The following SNAP91 variants were observed in gnomAD, a reference collection of about 807,000 sequenced individuals.
The protein encoded by SNAP91 is synaptosome associated protein 91.
A neutral mutation model predicts 100.3 loss-of-function variants in SNAP91; 27 were observed. That is an observed-to-expected ratio of 0.27 (90% confidence interval 0.20 to 0.37). The LOEUF (loss-of-function observed/expected upper bound fraction) is 0.37. Among genes scored for constraint, SNAP91 ranks in the 10% least tolerant of loss-of-function variants. SNAP91 has a pLI of 1.00. For synonymous variants in SNAP91, 404 were observed against 398.6 expected (o/e 1.01, Z -0.16); for missense variants, 986 against 1,123.7 (o/e 0.88, Z 1.75).
At chr6:83,675,455 A>C (rs1336774034) in intron 2 of SNAP91, among the ~76,000 whole-genome samples, 1 of 152,202 alleles carries the variant, frequency 6.6e-6, no homozygotes, top group African/African-American at 2.4e-5. Flanking sequence ...TCTAGTTTCT[A>C]AACTATTTCA....
chr6:83,619,386 T>G (rs2096623899), intron 9 of SNAP91, among the ~76,000 whole-genome samples: 1 of 152,200 alleles, frequency 6.6e-6, no homozygotes, highest in Non-Finnish European at 1.5e-5. Context: ...AGTGAGGACA[T>G]CCGGGCATGC....
intron 15 of SNAP91, 34 bp downstream of exon 15, chr6:83,601,551 C>A (rs1407778824): frequency 1.9e-6 from 3 of 1,612,914 alleles, no homozygotes; most frequent in South Asian, 1.1e-5. Flanking sequence ...AGAAGTCTGT[C>A]AAAATGGAAG....
chr6:83,663,515 C>A (rs1483297245), intron 3 of SNAP91, among the ~76,000 whole-genome samples: 3 of 152,108 alleles, frequency 2.0e-5, no homozygotes, highest in Non-Finnish European at 4.4e-5. Context: ...AAAGATCAAA[C>A]CAGCTACAAC....
intron 3 of SNAP91, among the ~76,000 whole-genome samples, chr6:83,663,378 G>A (rs2098601789): frequency 6.6e-6 from 1 of 152,140 alleles, no homozygotes; most frequent in Non-Finnish European, 1.5e-5. Context: ...GTGCCAGTTA[G>A]CCAAGTTGTA....
intron 14 of SNAP91, among the ~76,000 whole-genome samples, chr6:83,601,839 T>G (rs1338293419): frequency 2.0e-5 from 3 of 152,248 alleles, no homozygotes; most frequent in African/African-American, 4.8e-5. Flanking sequence ...ACTTCAGATT[T>G]TATTAACAAG....
chr6:83,600,728 C>A (rs1259920288), intron 16 of SNAP91, among the ~76,000 whole-genome samples: 2 of 152,202 alleles, frequency 1.3e-5, no homozygotes, highest in Non-Finnish European at 2.9e-5. Context: ...CAAAGATGAT[C>A]CAAGTTTTTA....
At chr6:83,647,116 T>C (rs1585438228) in intron 7 of SNAP91, among the ~76,000 whole-genome samples, 1 of 150,146 alleles carries the variant, frequency 6.7e-6, no homozygotes, top group Non-Finnish European at 1.5e-5. Context: ...TTTTCTACAA[T>C]AGATGGTCAT....
At position 83,651,772 on chromosome 6, in the gene SNAP91, T is replaced by G. The variant is rs532365973; in HGVS notation, c.658+4982A>C. ...TGTCCATTATATCTAGTTGATGGTG[T>G]TGTTGAGTTCAACTTCATCTGTACT... On this transcript the variant is annotated intron_variant, in intron 7 of 29. Transcript: ENST00000369694. 5.3e-5 allele frequency among the ~76,000 whole-genome samples: 8 copies of G among 152,294 alleles called. No individual in the cohort carries two copies. The East Asian group carries it at 1.5e-3, about 29-fold the overall frequency.
In SNAP91 at chr6:83,598,111, T is replaced by C. The variant is rs76666382; in HGVS notation, c.1324+3160A>G. 8.1e-3 allele frequency among the ~76,000 whole-genome samples: 1,238 copies of C among 152,316 alleles called. 17 individuals are homozygous for C. The highest frequency in any genetic ancestry group is 0.028 in the African/African-American group (1,149 of 41,578). On this transcript the variant is annotated intron_variant, in intron 16 of 29. Coordinates refer to ENST00000369694, the MANE Select transcript of SNAP91 (RefSeq NM_001242792.2). ...AGCATTCTAGTATTTAGAAAAACCCTGTGTTGTTCAAATCAATGTGCTATT... is the reference window on the plus strand; with the variant it reads ...AGCATTCTAGTATTTAGAAAAACCCCGTGTTGTTCAAATCAATGTGCTATT...
At chr6:83,624,817 AAAT>A (rs1190524391) in intron 8 of SNAP91, among the ~76,000 whole-genome samples, 1 of 152,152 alleles carries the variant, frequency 6.6e-6, no homozygotes. Flanking sequence ...TCTCTGGATC[AAAT>A]AATGTTTGAA....
intron 17 of SNAP91, among the ~76,000 whole-genome samples, 176 bp from the exon 18 acceptor site, chr6:83,593,917 T>C (rs1582879237): frequency 6.6e-6 from 1 of 152,122 alleles, no homozygotes; most frequent in East Asian, 1.9e-4. Context: ...GATGTTTTTC[T>C]AAAGAAAAAG....
chr6:83,705,034 G>A (rs932912725), intron 2 of SNAP91, among the ~76,000 whole-genome samples: 1 of 152,148 alleles, frequency 6.6e-6, no homozygotes, highest in East Asian at 1.9e-4. Context: ...AAAGAATTCT[G>A]AGCAAAGATG....
intron 26 of SNAP91, among the ~76,000 whole-genome samples, chr6:83,572,133 C>G (rs1384417451): frequency 1.3e-5 from 2 of 152,224 alleles, no homozygotes; most frequent in African/African-American, 4.8e-5. Context: ...GAATAATACA[C>G]TGGGCAACCA....
At chr6:83,581,066 A>G (rs776400813) in intron 23 of SNAP91, among the ~76,000 whole-genome samples, 1 of 152,212 alleles carries the variant, frequency 6.6e-6, no homozygotes, top group Non-Finnish European at 1.5e-5. Flanking sequence ...CTTATTCAAG[A>G]AAATAGTGAA....
Position 83,580,614 on chromosome 6 carries a change from G to A in SNAP91, c.2150-15C>T. ...ACCATCAAACACTGGAAATCAAATA[G>A]ACTAGGTTCAGAATAATTGAAAACA... On this transcript the variant is annotated splice_polypyrimidine_tract_variant and intron_variant, in intron 23 of 29. Coordinates refer to ENST00000369694, the MANE Select transcript of SNAP91 (RefSeq NM_001242792.2). 1 of 1,592,622 alleles carries A rather than the reference G, an allele frequency of 6.3e-7. No homozygotes were observed. Among genetic ancestry groups the A allele is most frequent in the Non-Finnish European group, 8.5e-7 (1 of 1,171,588 alleles).
At chr6:83,607,325 T>TG (rs1390792704) in intron 13 of SNAP91, among the ~76,000 whole-genome samples, 5 of 103,268 alleles carry the variant, frequency 4.8e-5, no homozygotes, top group East Asian at 2.8e-4. Flanking sequence ...AATTCCAAGT[T>TG]GGGTTGTGTG....
At chr6:83,667,715 C>T (rs1299355191) in intron 2 of SNAP91, among the ~76,000 whole-genome samples, 2 of 151,978 alleles carry the variant, frequency 1.3e-5, no homozygotes, top group African/African-American at 2.4e-5. Flanking sequence ...TATATATGTG[C>T]CATGTTGGTG....
At chr6:83,660,531 G>A (rs958586428) in intron 5 of SNAP91, among the ~76,000 whole-genome samples, 6 of 152,106 alleles carry the variant, frequency 3.9e-5, no homozygotes, top group Non-Finnish European at 8.8e-5. Context: ...ATGCACAAAT[G>A]TGTGGCTGAA....
At chr6:83,642,979 A>G (rs2097771699) in intron 7 of SNAP91, among the ~76,000 whole-genome samples, 2 of 152,210 alleles carry the variant, frequency 1.3e-5, no homozygotes, top group Non-Finnish European at 2.9e-5. Context: ...TTGGCTGCAT[A>G]AACGTCTTCT....
Sources: gnomAD v4.1 joint callset for allele counts (sites outside exome capture counted in the v4.1 genomes callset) on GRCh38, gnomAD v4.1.1 for gene constraint, MANE v1.5 for transcripts, NCBI Gene and HGNC (gene_info 2026-07-23, HGNC 2026-07-21) for gene names.